The following TRPC6 variants were observed in gnomAD, a reference collection of about 807,000 sequenced individuals.
TRPC6 encodes transient receptor potential cation channel subfamily C member 6.
A neutral mutation model predicts 90.7 loss-of-function variants in TRPC6; 55 were observed. The observed-to-expected ratio is 0.61, with a 90% CI of 0.49 to 0.76. The LOEUF (loss-of-function observed/expected upper bound fraction) is 0.76. Among genes scored for constraint, TRPC6 ranks in the 30% least tolerant of loss-of-function variants. The pLI is 0.00. For synonymous variants in TRPC6, 393 were observed against 393.0 expected (o/e 1.00, Z 0.00); for missense variants, 989 against 1,122.7 (o/e 0.88, Z 1.70).
At chr11:101,484,044 T>C (rs1054542129) in intron 4 of TRPC6, among the ~76,000 whole-genome samples, 1 of 152,130 alleles carries the variant, frequency 6.6e-6, no homozygotes, top group Non-Finnish European at 1.5e-5. Flanking sequence ...TAGGAGATGG[T>C]CCATAGCTTT....
intron 4 of TRPC6, 69 bp from the exon 5 acceptor site, chr11:101,483,234 C>T: frequency 6.7e-7 from 1 of 1,486,550 alleles, no homozygotes; most frequent in South Asian, 1.2e-5. Context: ...CACATACATA[C>T]ATGCAAGAAT....
chr11:101,537,216 T>C (rs905132234), intron 1 of TRPC6, among the ~76,000 whole-genome samples: 6 of 151,688 alleles, frequency 4.0e-5, no homozygotes, highest in Non-Finnish European at 8.8e-5. Flanking sequence ...TAACCTCTTT[T>C]ATATTATACC....
chr11:101,503,306 C>G (rs1242485429), intron 2 of TRPC6, among the ~76,000 whole-genome samples: 1 of 152,144 alleles, frequency 6.6e-6, no homozygotes, highest in Non-Finnish European at 1.5e-5. Context: ...CCTACTATTT[C>G]ATATCTATCA....
intron 1 of TRPC6, among the ~76,000 whole-genome samples, chr11:101,522,137 T>C (rs1306361330): frequency 6.6e-6 from 1 of 152,104 alleles, no homozygotes; most frequent in African/African-American, 2.4e-5. Context: ...CAGAATAATA[T>C]GGTTTGGATT....
chr11:101,508,559 C>T (rs1250661396), intron 1 of TRPC6, among the ~76,000 whole-genome samples: 1 of 152,262 alleles, frequency 6.6e-6, no homozygotes, highest in Non-Finnish European at 1.5e-5. Flanking sequence ...TTCTACTAAC[C>T]TCTTTAGGCT....
chr11:101,557,501 C>T (rs975884206), intron 1 of TRPC6, among the ~76,000 whole-genome samples: 1 of 152,110 alleles, frequency 6.6e-6, no homozygotes, highest in African/African-American at 2.4e-5. Context: ...ACTGGAAGAG[C>T]TTACCAGAGC....
rs866645981 is a variant in TRPC6, at chr11:101,552,104, A to T, written c.170+31230T>A. On this transcript the variant is annotated intron_variant, in intron 1 of 12. Coordinates refer to ENST00000344327, the MANE Select transcript of TRPC6 (RefSeq NM_004621.6). ...CCATCTTGTAAGTTTGCAAGTAAAA[A>T]TCTCAGACCCTTCACAGTTCTTTAC... 5.3e-5 allele frequency among the ~76,000 whole-genome samples: 8 copies of T among 152,202 alleles called. No homozygotes were observed. The South Asian group carries it at 8.3e-4, about 16-fold the overall frequency.
intron 1 of TRPC6, among the ~76,000 whole-genome samples, chr11:101,509,220 T>A (rs187325711): frequency 6.6e-6 from 1 of 151,750 alleles, no homozygotes; most frequent in East Asian, 1.9e-4. Flanking sequence ...TTCCTCAGCC[T>A]CCTGTGTAGC....
At chr11:101,457,197 TACAAGCAAG>T (rs1858903774) in intron 10 of TRPC6, among the ~76,000 whole-genome samples, 1 of 152,146 alleles carries the variant, frequency 6.6e-6, no homozygotes. Context: ...GCTTGTTGAC[TACAAGCAAG>T]AAGGACTGGA....
chr11:101,531,799 C>T (rs1860918097), intron 1 of TRPC6, among the ~76,000 whole-genome samples: 1 of 152,150 alleles, frequency 6.6e-6, no homozygotes. Context: ...CTTCTATAAC[C>T]AATCGAGTTC....
chr11:101,546,804 A>G (rs949618427), intron 1 of TRPC6, among the ~76,000 whole-genome samples: 1 of 152,324 alleles, frequency 6.6e-6, no homozygotes, highest in Non-Finnish European at 1.5e-5. Flanking sequence ...CTGTATACAT[A>G]TAACACAAAT....
chr11:101,544,745 G>A (rs943527297), intron 1 of TRPC6, among the ~76,000 whole-genome samples: 5 of 152,090 alleles, frequency 3.3e-5, no homozygotes, highest in African/African-American at 1.2e-4. Flanking sequence ...GGCGGGCTAG[G>A]GGAGGGATAG....
At chr11:101,533,039 G>C (rs1010692519) in intron 1 of TRPC6, among the ~76,000 whole-genome samples, 1 of 152,148 alleles carries the variant, frequency 6.6e-6, no homozygotes, top group Non-Finnish European at 1.5e-5. Context: ...AACCGAGAAG[G>C]TCAGGGTGGA....
intron 1 of TRPC6, among the ~76,000 whole-genome samples, chr11:101,537,874 G>GTT (rs1861088455): frequency 6.6e-6 from 1 of 152,108 alleles, no homozygotes; most frequent in African/African-American, 2.4e-5. Flanking sequence ...TTACTAGAAT[G>GTT]TGTCTGATGT....
At chr11:101,513,798 T>C (rs966832821) in intron 1 of TRPC6, among the ~76,000 whole-genome samples, 3 of 152,184 alleles carry the variant, frequency 2.0e-5, no homozygotes, top group Non-Finnish European at 4.4e-5. Context: ...ACAACTCTTA[T>C]GTGGAGGGGG....
At chr11:101,482,666 A>G (rs970271287) in intron 5 of TRPC6, among the ~76,000 whole-genome samples, 4 of 152,214 alleles carry the variant, frequency 2.6e-5, no homozygotes, top group Admixed American at 2.6e-4. Context: ...TATGAATAGT[A>G]TAATAGCTTT....
At chr11:101,488,011 T>C (rs1444347347) in intron 4 of TRPC6, among the ~76,000 whole-genome samples, 2 of 152,170 alleles carry the variant, frequency 1.3e-5, no homozygotes, top group Admixed American at 6.5e-5. Context: ...ATATTACGAA[T>C]GTTTGAAAAT....
chr11:101,487,464 A>ATATTGTTATATTT (rs1859702322), intron 4 of TRPC6, among the ~76,000 whole-genome samples: 2 of 152,060 alleles, frequency 1.3e-5, no homozygotes, highest in Admixed American at 6.6e-5. Flanking sequence ...CTTTTAGTAC[A>ATATTGTTATATTT]CCAGTCACTC....
At chr11:101,529,831 T>C (rs932462575) in intron 1 of TRPC6, among the ~76,000 whole-genome samples, 17 of 152,226 alleles carry the variant, frequency 1.1e-4, no homozygotes, top group Non-Finnish European at 1.8e-4. Flanking sequence ...GTTAAAATTC[T>C]GGTATAGGCC....
Sources: gnomAD v4.1 joint callset for allele counts (sites outside exome capture counted in the v4.1 genomes callset) on GRCh38, gnomAD v4.1.1 for gene constraint, MANE v1.5 for transcripts, NCBI Gene and HGNC (gene_info 2026-07-23, HGNC 2026-07-21) for gene names.